CACNG8: variants seen among roughly 807,000 people sequenced by gnomAD.
CACNG8 encodes calcium voltage-gated channel auxiliary subunit gamma 8, also known as voltage-dependent calcium channel gamma-8 subunit.
In CACNG8, 5 loss-of-function variants were observed where a neutral mutation model predicts 26.9. That is an observed-to-expected ratio of 0.19 (90% CI 0.10 to 0.39). The LOEUF is 0.39. Ranked by LOEUF, CACNG8 falls within the 10% of genes least tolerant of loss-of-function variation. The pLI, the probability that CACNG8 is intolerant of heterozygous loss-of-function variation, is 1.00. For missense variants in CACNG8, 473 were observed against 609.4 expected, an observed-to-expected ratio of 0.78 and a Z score of 2.36; for synonymous variants, 321 against 296.7, an observed-to-expected ratio of 1.08 and a Z score of -0.84.
intron 3 of CACNG8, among the ~76,000 whole-genome samples, chr19:53,980,565 C>A (rs911392168): frequency 6.6e-6 from 1 of 152,078 alleles, no homozygotes; most frequent in South Asian, 2.1e-4. Context: ...GAGACTGAAT[C>A]GGCCCTTGCC....
chr19:53,965,888 G>A (rs1016517260), intron 1 of CACNG8, among the ~76,000 whole-genome samples: 1 of 152,020 alleles, frequency 6.6e-6, no homozygotes, highest in Admixed American at 6.6e-5. Flanking sequence ...GGAAGTAAGA[G>A]ATGGAGGAAA....
Position 53,982,039 on chromosome 19 carries a change from G to A in CACNG8, c.509-41G>A. On this transcript the variant is annotated intron_variant, in intron 3 of 3. Coordinates refer to ENST00000270458, the MANE Select transcript of CACNG8 (RefSeq NM_031895.6). This position sits in a 1 kb window ranked among gnomAD's most constrained non-coding sequence, Gnocchi z 8.4. Reference sequence around the variant, plus strand: ...CGGGGCCGGGGGCGGGGGCGGGGCCGGGGGTGGCCTCGAGGCTCCCGTCTG... The same window carrying A: ...CGGGGCCGGGGGCGGGGGCGGGGCCAGGGGTGGCCTCGAGGCTCCCGTCTG... 3 of 1,499,120 alleles carry A rather than the reference G, an allele frequency of 2.0e-6. No homozygotes were observed. Among genetic ancestry groups the A allele is most frequent in the Non-Finnish European group, 2.7e-6 (3 of 1,129,574 alleles). The allele number at this position is 1,499,120 out of a possible 1,614,324, so 92.9% of individuals were successfully genotyped here.
chr19:53,972,605 AC>A (rs1368390810), intron 1 of CACNG8, among the ~76,000 whole-genome samples: 2 of 146,454 alleles, frequency 1.4e-5, no homozygotes, highest in East Asian at 4.2e-4. Context: ...CAGGTGATCC[AC>A]CCGCTTTGGC....
At chr19:53,963,659 T>C (rs1363652435) in intron 1 of CACNG8, among the ~76,000 whole-genome samples, 1 of 152,006 alleles carries the variant, frequency 6.6e-6, no homozygotes, top group Non-Finnish European at 1.5e-5. Flanking sequence ...CTGCAGCCCC[T>C]CTGCCTCTCC....
In CACNG8 at chr19:53,976,404, C is replaced by G. The variant is rs193162470; in HGVS notation, c.284-1742C>G. On this transcript the variant is annotated intron_variant, in intron 1 of 3. Transcript: ENST00000270458. ...TCCAATACCTAACATTTGGCTGCCACAGCACACAAACCACATGATCTATTT... is the reference window on the plus strand; with the variant it reads ...TCCAATACCTAACATTTGGCTGCCAGAGCACACAAACCACATGATCTATTT... 5.9e-5 allele frequency among the ~76,000 whole-genome samples: 9 copies of G among 152,284 alleles called. No homozygotes were observed. The East Asian group carries it at 1.4e-3, about 23-fold the overall frequency.
At chr19:53,975,420 C>G (rs554392541) in intron 1 of CACNG8, among the ~76,000 whole-genome samples, 1 of 148,510 alleles carries the variant, frequency 6.7e-6, no homozygotes, top group South Asian at 2.2e-4. Flanking sequence ...CGCTCTCTCG[C>G]CCAGGCTGGA....
chr19:53,966,809 T>G (rs1226026667), intron 1 of CACNG8, among the ~76,000 whole-genome samples: 1 of 152,196 alleles, frequency 6.6e-6, no homozygotes, highest in Non-Finnish European at 1.5e-5. Flanking sequence ...GCGGTATGTT[T>G]CTTGCTGCTG....
intron 2 of CACNG8, among the ~76,000 whole-genome samples, chr19:53,978,475 C>G (rs1457542450): frequency 6.6e-6 from 1 of 152,106 alleles, no homozygotes; most frequent in East Asian, 1.9e-4. Flanking sequence ...CGCTAATTGG[C>G]CGCTTTGCTC....
rs1319526261 is a variant in CACNG8 at position 53,978,236 on chromosome 19, G to A, written c.367+7G>A. On this transcript the variant is annotated splice_region_variant and intron_variant, in intron 2 of 3. Transcript: ENST00000270458. ...AGCGCGGAGTATCTACTCCGTACGT[G>A]GGGGTCCGGGACAGACGTGGGGAGT... The A allele has an allele frequency of 6.2e-7, 1 of 1,609,788 alleles. No individual in the cohort carries two copies. Among genetic ancestry groups the A allele is most frequent in the Non-Finnish European group, 8.5e-7 (1 of 1,177,748 alleles).
At chr19:53,963,574 C>T in intron 1 of CACNG8, 149 bp downstream of exon 1, 1 of 741,706 alleles carries the variant, frequency 1.3e-6, no homozygotes, top group Non-Finnish European at 2.1e-6. Flanking sequence ...CCACTCGCGC[C>T]CCTGACCTCC....
Position 53,982,555 on chromosome 19 carries a change from C to G in CACNG8, c.984C>G (p.Gly328=), listed in dbSNP as rs2069377295. 2.5e-6 allele frequency: 3 copies of G among 1,176,984 alleles called. No homozygotes were observed. Among genetic ancestry groups the G allele is most frequent in the East Asian group, 7.5e-5 (2 of 26,668 alleles). The allele number at this position is 1,176,984 out of a possible 1,614,324, so 72.9% of individuals were successfully genotyped here. A position where few individuals can be genotyped will look rare whatever the true frequency, so the allele number is the denominator to read the frequency against. ...CGGGGCTGGCGGGGGCCGGCGGCGG[C>G]GGCGGCGGCGCCGTGGGGGCGTTCG... Residue 328 remains glycine (G), a synonymous_variant, in exon 4 of 4, where the codon GGC becomes GGG. Coordinates refer to ENST00000270458, the MANE Select transcript of CACNG8 (RefSeq NM_031895.6). This position sits in a 1 kb window ranked among gnomAD's most constrained non-coding sequence, Gnocchi z 8.4.
chr19:53,982,222 G>A lies in CACNG8; in HGVS notation c.651G>A (p.Glu217=), dbSNP rs1381566939. 2 of 1,613,002 alleles carry A rather than the reference G, an allele frequency of 1.2e-6. No homozygotes were observed. Among genetic ancestry groups the A allele is most frequent in the African/African-American group, 1.3e-5 (1 of 74,922 alleles). The stretch of plus-strand genomic sequence containing the variant: ...GCGGGCTGTCGTTCATCCTGGCCGA[G>A]GTGATAGGCGTGCTGGCCGTCAACA... Residue 217 remains glutamate (E), a synonymous_variant, in exon 4 of 4, where the codon GAG becomes GAA. Coordinates refer to ENST00000270458, the MANE Select transcript of CACNG8 (RefSeq NM_031895.6). The surrounding 1 kb of genome is among the most constrained non-coding windows in gnomAD (Gnocchi z 8.4).
At chr19:53,965,411 C>T (rs1411393054) in intron 1 of CACNG8, among the ~76,000 whole-genome samples, 3 of 152,182 alleles carry the variant, frequency 2.0e-5, no homozygotes, top group South Asian at 4.2e-4. Context: ...ATTCCTCCCA[C>T]GGCTCTCGTG....
At position 53,989,505 on chromosome 19, in the gene CACNG8, A is replaced by G. The variant is rs1327848785; in HGVS notation, c.*6656A>G. On this transcript the variant is annotated 3_prime_UTR_variant, in exon 4 of 4. Transcript: ENST00000270458. The stretch of plus-strand genomic sequence containing the variant: ...ACAGCATCAAGGAATGATCAATAAA[A>G]AGAAAAAAAAATATTTCCTGAGGAC... 1 of 152,492 alleles carries G rather than the reference A, an allele frequency of 6.6e-6. No individual in the cohort carries two copies. The highest frequency in any genetic ancestry group is 1.5e-5 in the Non-Finnish European group (1 of 68,056). The allele number at this position is 152,492 out of a possible 1,614,324, so 9.4% of individuals were successfully genotyped here.
rs1261225899 is a variant in CACNG8 at position 53,989,476 on chromosome 19, A to G, written c.*6627A>G. ...GAAAGCAACGTGGAGACTCAGAAGCAAGCACAGCATCAAGGAATGATCAAT... is the reference window on the plus strand; with the variant it reads ...GAAAGCAACGTGGAGACTCAGAAGCGAGCACAGCATCAAGGAATGATCAAT... On this transcript the variant is annotated 3_prime_UTR_variant, in exon 4 of 4. Coordinates refer to ENST00000270458, the MANE Select transcript of CACNG8 (RefSeq NM_031895.6). The G allele has an allele frequency of 1.3e-5, 2 of 152,870 alleles. No individual in the cohort carries two copies. Among genetic ancestry groups the G allele is most frequent in the Non-Finnish European group, 2.9e-5 (2 of 68,072 alleles). The allele number at this position is 152,870 out of a possible 1,614,324, so 9.5% of individuals were successfully genotyped here. A position where few individuals can be genotyped will look rare whatever the true frequency, so the allele number is the denominator to read the frequency against.
intron 1 of CACNG8, among the ~76,000 whole-genome samples, chr19:53,965,854 G>A (rs1288098054): frequency 1.3e-5 from 2 of 151,996 alleles, no homozygotes; most frequent in Non-Finnish European, 2.9e-5. Context: ...CCCCGAGCAG[G>A]TGACATTTGA....
chr19:53,970,656 G>A (rs990255145), intron 1 of CACNG8, among the ~76,000 whole-genome samples: 2 of 151,910 alleles, frequency 1.3e-5, no homozygotes, highest in African/African-American at 4.8e-5. Flanking sequence ...ACACAAGGAT[G>A]GGCCACTGGC....
chr19:53,987,405 A>G lies in CACNG8; in HGVS notation c.*4556A>G, dbSNP rs1342687166. 3 of 152,558 alleles carry G rather than the reference A, an allele frequency of 2.0e-5. No homozygotes were observed. The highest frequency in any genetic ancestry group is 3.4e-3 in the Middle Eastern group (1 of 294). The allele number at this position is 152,558 out of a possible 1,614,324, so 9.5% of individuals were successfully genotyped here. ...ATTTAAACAAGAACAGCAGAATTAC[A>G]TTGCTGTGCTGAGCATACGTAGACT... On this transcript the variant is annotated 3_prime_UTR_variant, in exon 4 of 4. Transcript: ENST00000270458.
intron 1 of CACNG8, among the ~76,000 whole-genome samples, chr19:53,976,356 A>T (rs2069330318): frequency 6.6e-6 from 1 of 152,226 alleles, no homozygotes; most frequent in African/African-American, 2.4e-5. Flanking sequence ...CCCTGTCTCA[A>T]AGAATAAAAA....
Sources: gnomAD v4.1 joint callset for allele counts (sites outside exome capture counted in the v4.1 genomes callset) on GRCh38, gnomAD v4.1.1 for gene constraint, Gnocchi (gnomAD v3.1) non-coding constraint, MANE v1.5 for transcripts, NCBI Gene and HGNC (gene_info 2026-07-23, HGNC 2026-07-21) for gene names.